The following DMC1 variants were observed in gnomAD, a reference collection of about 807,000 sequenced individuals.
The protein encoded by DMC1 is meiotic recombination protein DMC1 homolog.
DMC1 carries 27 observed loss-of-function variants against 50.1 expected under a neutral mutation model. The ratio of observed to expected loss-of-function variants is 0.54; its 90% CI spans 0.40 to 0.74. The LOEUF (loss-of-function observed/expected upper bound fraction) is 0.74. Ranked by LOEUF, DMC1 falls within the 30% of genes least tolerant of loss-of-function variation. The pLI is 0.00. For missense variants in DMC1, 295 were observed against 420.2 expected (o/e 0.70, Z 2.60); for synonymous variants, 148 against 136.1 (o/e 1.09, Z -0.61).
intron 5 of DMC1, among the ~76,000 whole-genome samples, chr22:38,559,440 A>G (rs2090502906): frequency 2.6e-5 from 4 of 152,004 alleles, no homozygotes; most frequent in Admixed American, 2.0e-4. Flanking sequence ...AAGTGCTGTG[A>G]TTACAGGTGT....
intron 12 of DMC1, among the ~76,000 whole-genome samples, chr22:38,534,668 A>C (rs946927683): frequency 1.0e-4 from 15 of 150,434 alleles, no homozygotes; most frequent in African/African-American, 3.7e-4. Flanking sequence ...GTGCTGCTGC[A>C]CTCCAGCCTG....
intron 5 of DMC1, among the ~76,000 whole-genome samples, chr22:38,557,612 C>A (rs1052652203): frequency 1.3e-5 from 2 of 152,044 alleles, no homozygotes; most frequent in African/African-American, 4.8e-5. Context: ...CTGCAGTGAG[C>A]CGTGATGGAG....
Position 38,567,643 on chromosome 22 carries a change from CAG to C in DMC1, c.52-18_52-17del. 1 of 1,595,532 alleles carries C rather than the reference CAG, an allele frequency of 6.3e-7. No individual in the cohort carries two copies. Among genetic ancestry groups the C allele is most frequent in the Non-Finnish European group, 8.6e-7 (1 of 1,163,316 alleles). ...ACAAAGATTCCTAAAGGAGATGAAA[CAG>C]AAAAAATGAAGTTTTGATTCTTCAT... On this transcript the variant is annotated splice_polypyrimidine_tract_variant and intron_variant, in intron 2 of 13. Coordinates refer to ENST00000216024, the MANE Select transcript of DMC1 (RefSeq NM_007068.4).
At chr22:38,540,042 A>T (rs544727320) in intron 8 of DMC1, among the ~76,000 whole-genome samples, 1 of 152,286 alleles carries the variant, frequency 6.6e-6, no homozygotes, top group South Asian at 2.1e-4. Context: ...TATCGACCAA[A>T]GGTTTTTTGT....
downstream of DMC1, among the ~76,000 whole-genome samples, chr22:38,514,151 A>G (rs1321379038): frequency 6.0e-5 from 9 of 150,686 alleles, no homozygotes; most frequent in Non-Finnish European, 1.2e-4. Context: ...TAGCATTGTT[A>G]GAGGTGTTCA....
At chr22:38,513,357 A>G in the DMC1 span, among the ~76,000 whole-genome samples, 2 of 152,172 alleles carry the variant, frequency 1.3e-5, no homozygotes, top group Admixed American at 1.3e-4. Flanking sequence ...CACTACCTGA[A>G]TTGGGGAGAG....
At chr22:38,518,899 A>C (rs2089994989), downstream of DMC1, 1 of 152,356 alleles carries the variant, frequency 6.6e-6, no homozygotes, top group African/African-American at 2.4e-5. Flanking sequence ...AAAGCTCTTC[A>C]TTGTATATTG....
chr22:38,538,366 C>T lies in DMC1; in HGVS notation c.704G>A (p.Gly235Asp). The change falls in exon 11 of 14, where the codon GGC becomes GAC. Residue 235 changes from glycine (G) to aspartate (D), a missense_variant. By Grantham distance (94) the Gly-to-Asp change is moderately conservative. Transcript: ENST00000216024. Reference sequence around the variant, plus strand: ...CTGCCGTTCGGCCAACTCCCCACGGCCACTGAAATCCACTCGAAAAAGTGC... The same window carrying T: ...CTGCCGTTCGGCCAACTCCCCACGGTCACTGAAATCCACTCGAAAAAGTGC... Reference protein sequence around the residue: ...IMALFRVDFSGRGELAERQQK... With the variant: ...IMALFRVDFSDRGELAERQQK... The T allele has an allele frequency of 1.2e-6, 2 of 1,613,980 alleles. No individual in the cohort carries two copies. The highest frequency in any genetic ancestry group is 8.5e-7 in the Non-Finnish European group (1 of 1,180,014).
At position 38,520,088 on chromosome 22, in the gene DMC1, G is replaced by A. The variant is rs761393363; in HGVS notation, c.955C>T (p.Pro319Ser). The A allele has an allele frequency of 6.2e-7, 1 of 1,612,126 alleles. No homozygotes were observed. The highest frequency in any genetic ancestry group is 1.1e-5 in the South Asian group (1 of 91,000). ...ELRIAKIYDSPEMPENEATFA... is the reference protein window; with the variant it reads ...ELRIAKIYDSSEMPENEATFA... ...GTGGCTTCATTTTCAGGCATCTCAGGACTAACAGAATACAAGGGAACAGAA... is the reference window on the plus strand; with the variant it reads ...GTGGCTTCATTTTCAGGCATCTCAGAACTAACAGAATACAAGGGAACAGAA... Residue 319 changes from proline (P) to serine (S), a missense_variant and splice_region_variant, in exon 14 of 14, where the codon CCT becomes TCT. Physicochemically the swap from Pro to Ser is moderately conservative, Grantham distance 74. Transcript: ENST00000216024.
chr22:38,558,055 T>C (rs1359695168), intron 5 of DMC1, among the ~76,000 whole-genome samples: 1 of 145,268 alleles, frequency 6.9e-6, no homozygotes, highest in Non-Finnish European at 1.5e-5. Flanking sequence ...CTCTGCCTCC[T>C]GGATTCAAGC....
rs58396845 is a variant in DMC1, at chr22:38,549,970, C to A, written c.449G>T (p.Gly150Val). 2 of 1,613,432 alleles carry A rather than the reference C, an allele frequency of 1.2e-6. No individual in the cohort carries two copies. The highest frequency in any genetic ancestry group is 2.7e-5 in the African/African-American group (2 of 74,884). The change falls in exon 8 of 14, where the codon GGC becomes GTC. Residue 150 changes from glycine (G) to valine (V), a missense_variant. Coordinates refer to ENST00000216024, the MANE Select transcript of DMC1 (RefSeq NM_007068.4). ...CVTAQLPGAGGYPGGKIIFID... is the reference protein window; with the variant it reads ...CVTAQLPGAGVYPGGKIIFID... ...GAAGATAATCTTTCCTCCTGGGTAGCCACCAGCTCCTGGAAGTTGAGCTGT... is the reference window on the plus strand; with the variant it reads ...GAAGATAATCTTTCCTCCTGGGTAGACACCAGCTCCTGGAAGTTGAGCTGT...
the DMC1 span, among the ~76,000 whole-genome samples, chr22:38,512,749 A>G: frequency 1.3e-5 from 2 of 152,166 alleles, no homozygotes; most frequent in Non-Finnish European, 2.9e-5. Context: ...GGCAAGTGAT[A>G]GAATCTAACT....
At chr22:38,511,051 T>A in the DMC1 span, among the ~76,000 whole-genome samples, 1 of 152,110 alleles carries the variant, frequency 6.6e-6, no homozygotes, top group Non-Finnish European at 1.5e-5. Context: ...GGAGGGTCGC[T>A]TGAGCCCAGG....
At chr22:38,529,050 G>C (rs1300835263) in intron 12 of DMC1, among the ~76,000 whole-genome samples, 1 of 150,246 alleles carries the variant, frequency 6.7e-6, no homozygotes, top group African/African-American at 2.5e-5. Context: ...CGCTCTTATC[G>C]CCCAGGCTGG....
chr22:38,517,881 G>A (rs1016343484), downstream of DMC1, among the ~76,000 whole-genome samples: 1 of 152,084 alleles, frequency 6.6e-6, no homozygotes, highest in Non-Finnish European at 1.5e-5. Flanking sequence ...ATTTCTACTT[G>A]CCGAGTTAGT....
the DMC1 span, among the ~76,000 whole-genome samples, chr22:38,513,280 T>A: frequency 2.6e-5 from 4 of 152,210 alleles, no homozygotes; most frequent in South Asian, 8.3e-4. Context: ...TCACTGCAGG[T>A]GTGAGCAGCC....
chr22:38,509,584 A>G, the DMC1 span, among the ~76,000 whole-genome samples: 3 of 152,114 alleles, frequency 2.0e-5, no homozygotes, highest in African/African-American at 7.2e-5. Context: ...GTGAAATTCA[A>G]CGGAACTGTT....
chr22:38,524,457 T>C (rs2090065185), intron 12 of DMC1, among the ~76,000 whole-genome samples: 1 of 151,956 alleles, frequency 6.6e-6, no homozygotes. Context: ...ATAAAACTAA[T>C]AAATAAAAAA....
the DMC1 span, among the ~76,000 whole-genome samples, chr22:38,512,920 T>C: frequency 1.3e-5 from 2 of 151,846 alleles, no homozygotes; most frequent in Non-Finnish European, 2.9e-5. Flanking sequence ...CCCATCTCTA[T>C]TAAAAATACA....
Sources: allele counts gnomAD v4.1 joint callset (sites outside exome capture counted in the v4.1 genomes callset), GRCh38; gene constraint gnomAD v4.1.1; transcripts MANE v1.5; gene names NCBI Gene and HGNC (gene_info 2026-07-23, HGNC 2026-07-21).